Variants in SZT2 observed in about 807,000 individuals in gnomAD.
SZT2 encodes the protein KICSTOR complex protein SZT2.
In SZT2, 216 loss-of-function variants were observed where a neutral mutation model predicts 404.2. The ratio of observed to expected loss-of-function variants is 0.53; its 90% CI spans 0.48 to 0.60. SZT2 has a LOEUF of 0.60. Among genes scored for constraint, SZT2 ranks in the 20% least tolerant of loss-of-function variants. The probability of loss-of-function intolerance (pLI) is 0.00; values close to 1 mark genes in which losing one functional copy is unlikely to be tolerated. For missense variants in SZT2, 3,857 were observed against 4,459.2 expected, an observed-to-expected ratio of 0.86 and a Z score of 3.85; for synonymous variants, 1,693 against 1,749.9, an observed-to-expected ratio of 0.97 and a Z score of 0.81.
intron 13 of SZT2, 23 bp downstream of exon 13, chr1:43,422,655 A>G (rs971914703): frequency 1.8e-6 from 2 of 1,095,644 alleles, no homozygotes; most frequent in Non-Finnish European, 1.2e-6. Flanking sequence ...ATGTCCCTTC[A>G]CCCCCCGCCC....
chr1:43,422,665 C>CCCCCCCCCCCCCGCCA lies in SZT2; in HGVS notation c.1922+37_1922+38insCCCCCCCCGCCACCCC, dbSNP rs1652528745. ...AAGTGATGTCCCTTCACCCCCCGCC[C>CCCCCCCCCCCCCGCCA]CCCCACCCCCCCGCCACCTCATCCC... On this transcript the variant is annotated intron_variant, in intron 13 of 71. Transcript: ENST00000634258. 12 of 751,534 alleles carry CCCCCCCCCCCCCGCCA rather than the reference C, an allele frequency of 1.6e-5. No homozygotes were observed. The African/African-American group carries it at 2.3e-4, about 14-fold the overall frequency. The allele number at this position is 751,534 out of a possible 1,614,324, so 46.6% of individuals were successfully genotyped here. A position where few individuals can be genotyped will look rare whatever the true frequency, so the allele number is the denominator to read the frequency against.
At chr1:43,409,532 C>A in intron 4 of SZT2, 2 of 379,810 alleles carry the variant, frequency 5.3e-6, no homozygotes, top group Non-Finnish European at 1.0e-5. Flanking sequence ...AATGGCTCCA[C>A]CAAAAAACTA....
At position 43,453,421 on chromosome 1, in the gene SZT2, C is replaced by T. The variant is rs1326014732; in HGVS notation, c.*2941C>T. The T allele has an allele frequency of 1.9e-6, 3 of 1,560,502 alleles. No individual in the cohort carries two copies. The highest frequency in any genetic ancestry group is 1.7e-6 in the Non-Finnish European group (2 of 1,151,392). On this transcript the variant is annotated 3_prime_UTR_variant, in exon 72 of 72. Coordinates refer to ENST00000634258, the MANE Select transcript of SZT2 (RefSeq NM_001365999.1). Reference sequence around the variant, plus strand: ...CCAGGGCTTTGGCATACCGCACGGCCTGCTCCAGTCCCTCTCGGAAGGCCG... The same window carrying T: ...CCAGGGCTTTGGCATACCGCACGGCTTGCTCCAGTCCCTCTCGGAAGGCCG...
chr1:43,424,819 G>A lies in SZT2; in HGVS notation c.2507G>A (p.Ser836Asn). The change falls in exon 17 of 72, where the codon AGT (serine) becomes AAT (asparagine). Residue 836 changes from serine (S) to asparagine (N), a missense_variant. Ser to Asn is a conservative substitution (Grantham distance 46). Around this residue, in one of 7 missense-constraint regions of SZT2, gnomAD observed 1,725 missense variants for 1,881.0 expected, o/e 0.92. Transcript: ENST00000634258. This position sits in a 1 kb window ranked among gnomAD's most constrained non-coding sequence, Gnocchi z 4.1. ...RLSEGFHFACSGEGIINMVLE... is the reference protein window; with the variant it reads ...RLSEGFHFACNGEGIINMVLE... ...TCTGAAGGATTCCACTTCGCCTGCAGTGGGGAAGGAATCATCAACATGGTT... is the reference window on the plus strand; with the variant it reads ...TCTGAAGGATTCCACTTCGCCTGCAATGGGGAAGGAATCATCAACATGGTT... The A allele has an allele frequency of 6.2e-7, 1 of 1,614,116 alleles. No homozygotes were observed. The highest frequency in any genetic ancestry group is 8.5e-7 in the Non-Finnish European group (1 of 1,179,962).
rs768607703 is a variant in SZT2 at position 43,422,798 on chromosome 1, A to C, written c.1952A>C (p.Tyr651Ser). Reference sequence around the variant, plus strand: ...CCAGACCAGCCCCCCAATTCCTTCTACATGGTCCGTATCATTTCCAAGGCC... The same window carrying C: ...CCAGACCAGCCCCCCAATTCCTTCTCCATGGTCCGTATCATTTCCAAGGCC... The part of the protein sequence containing the change: ...SAPDQPPNSF[Y>S]MVRIISKAPC... Residue 651 changes from tyrosine (Y) to serine (S), a missense_variant, in exon 14 of 72, where the codon TAC (tyrosine) becomes TCC (serine). Tyr to Ser is a moderately radical substitution (Grantham distance 144). Around this residue, in one of 7 missense-constraint regions of SZT2, gnomAD observed 1,725 missense variants for 1,881.0 expected, o/e 0.92. Coordinates refer to ENST00000634258, the MANE Select transcript of SZT2 (RefSeq NM_001365999.1). 1 of 1,591,612 alleles carries C rather than the reference A, an allele frequency of 6.3e-7. No individual in the cohort carries two copies. Among genetic ancestry groups the C allele is most frequent in the Non-Finnish European group, 8.5e-7 (1 of 1,176,944 alleles).
rs1414968018 is a variant in SZT2 at position 43,448,431 on chromosome 1, G to C, written c.9916G>C (p.Glu3306Gln). ...GGRLALAELE[E>Q]LLEAVHAKSI... ...GCGCCTGGCCCTGGCAGAGCTGGAG[G>C]AACTCCTAGAAGCAGTCCATGCCAA... Residue 3306 changes from glutamate to glutamine, a missense_variant, in exon 69 of 72, where the codon GAA becomes CAA. Around this residue, in one of 7 missense-constraint regions of SZT2, gnomAD observed 717 missense variants for 868.2 expected, o/e 0.83. Coordinates refer to ENST00000634258, the MANE Select transcript of SZT2 (RefSeq NM_001365999.1). This position sits in a 1 kb window ranked among gnomAD's most constrained non-coding sequence, Gnocchi z 4.2. The C allele has an allele frequency of 6.2e-7, 1 of 1,602,738 alleles. No homozygotes were observed.
intron 60 of SZT2, 26 bp from the exon 61 acceptor site, chr1:43,443,326 C>G (rs566253339): frequency 9.3e-6 from 15 of 1,614,070 alleles, no homozygotes; most frequent in African/African-American, 2.7e-5. Context: ...CGTCACTGCT[C>G]CATGCTCACT....
rs748027626 is a variant in SZT2 at position 43,438,917 on chromosome 1, C to G, written c.6628-12C>G. On this transcript the variant is annotated splice_polypyrimidine_tract_variant and intron_variant, in intron 47 of 71. Coordinates refer to ENST00000634258, the MANE Select transcript of SZT2 (RefSeq NM_001365999.1). ...CTGCATTCAGCTCTGCCCTCTTCTT[C>G]CCACTCTGCAGTTCATCCAGCCCCC... 5.6e-6 allele frequency: 9 copies of G among 1,614,162 alleles called. No individual in the cohort carries two copies. The South Asian group carries it at 7.7e-5, about 14-fold the overall frequency.
chr1:43,447,784 G>A, intron 67 of SZT2, 65 bp from the exon 68 acceptor site: 1 of 1,611,084 alleles, frequency 6.2e-7, no homozygotes, highest in Non-Finnish European at 8.5e-7. Flanking sequence ...TGTTTTCTTG[G>A]GCAGGGGTGA....
chr1:43,428,616 C>T (rs1170031497), intron 28 of SZT2, 130 bp downstream of exon 28: 18 of 1,299,442 alleles, frequency 1.4e-5, no homozygotes, highest in South Asian at 1.2e-4. Context: ...AGTGCTTTGT[C>T]GCCGGCTCAC....
Position 43,437,486 on chromosome 1 carries a change from A to G in SZT2, c.6268A>G (p.Thr2090Ala), listed in dbSNP as rs1278409350. 6 of 1,614,178 alleles carry G rather than the reference A, an allele frequency of 3.7e-6. No individual in the cohort carries two copies. The highest frequency in any genetic ancestry group is 1.1e-5 in the South Asian group (1 of 91,080). The change falls in exon 44 of 72, where the codon ACA becomes GCA. Residue 2090 changes from threonine to alanine, a missense_variant. Coordinates refer to ENST00000634258, the MANE Select transcript of SZT2 (RefSeq NM_001365999.1). The surrounding 1 kb of genome is among the most constrained non-coding windows in gnomAD (Gnocchi z 5.3). ...KNMFVYQERA[T>A]KAVYYLRLLE... ...CATGTTTGTTTACCAGGAGCGAGCA[A>G]CAAAGGCTGTGTACTATCTTCGGTA...
At chr1:43,446,054 T>C in intron 63 of SZT2, 70 bp downstream of exon 63, 1 of 1,588,828 alleles carries the variant, frequency 6.3e-7, no homozygotes, top group South Asian at 1.1e-5. Context: ...TCATTGACCC[T>C]GAGTGATGTA....
chr1:43,415,609 C>A (rs972725103), intron 5 of SZT2, among the ~76,000 whole-genome samples: 4 of 152,132 alleles, frequency 2.6e-5, no homozygotes, highest in Non-Finnish European at 4.4e-5. Flanking sequence ...AAATGGCAGT[C>A]CTGTGTGCCT....
In SZT2 at chr1:43,453,559, CCCCAGCCCT is replaced by C. The variant is rs745737962; in HGVS notation, c.*3092_*3100del. On this transcript the variant is annotated 3_prime_UTR_variant, in exon 72 of 72. Transcript: ENST00000634258. Reference sequence around the variant, plus strand: ...ACTCCCCTGCCCGCGCCCCGGCACCCCCCAGCCCTCCCAGCCCTCCCGGCCCGCGACGCA... The same window carrying C: ...ACTCCCCTGCCCGCGCCCCGGCACCCCCCAGCCCTCCCGGCCCGCGACGCA... 2.4e-4 allele frequency: 372 copies of C among 1,519,598 alleles called. 1 individual carries two copies. The highest frequency in any genetic ancestry group is 9.1e-4 in the South Asian group (72 of 79,148). The allele number at this position is 1,519,598 out of a possible 1,614,324, so 94.1% of individuals were successfully genotyped here.
rs1389759662 is a variant in SZT2, at chr1:43,452,720, C to G, written c.*2240C>G. On this transcript the variant is annotated 3_prime_UTR_variant, in exon 72 of 72. Coordinates refer to ENST00000634258, the MANE Select transcript of SZT2 (RefSeq NM_001365999.1). ...CCTTTTCCCATCTGTTTTCTGCCCC[C>G]ACCATTGACCAGTAGTGATCCCCTC... The G allele has an allele frequency of 3.2e-6, 2 of 629,602 alleles. No individual in the cohort carries two copies. Among genetic ancestry groups the G allele is most frequent in the African/African-American group, 3.7e-5 (2 of 54,690 alleles). 39.0% of individuals were successfully genotyped at this position (629,602 alleles called of 1,614,324 possible). A position where few individuals can be genotyped will look rare whatever the true frequency, so the allele number is the denominator to read the frequency against.
chr1:43,404,723 T>C lies in SZT2; in HGVS notation c.498+173T>C, dbSNP rs74069985. 1.9e-3 allele frequency: 1,151 copies of C among 619,756 alleles called. 11 individuals carry two copies. The African/African-American group carries it at 0.02, about 11-fold the overall frequency. 38.4% of individuals were successfully genotyped at this position (619,756 alleles called of 1,614,324 possible). ...CTCTCTCTCCTTGAGAAGAACCAGTTCCTCTGGACTTAAAGGGCTTTCCTA... is the reference window on the plus strand; with the variant it reads ...CTCTCTCTCCTTGAGAAGAACCAGTCCCTCTGGACTTAAAGGGCTTTCCTA... On this transcript the variant is annotated intron_variant, in intron 4 of 71. Transcript: ENST00000634258.
At position 43,443,804 on chromosome 1, in the gene SZT2, C is replaced by A; in HGVS notation, c.8825+8C>A. 1.2e-6 allele frequency: 2 copies of A among 1,612,906 alleles called. No homozygotes were observed. The highest frequency in any genetic ancestry group is 1.7e-6 in the Non-Finnish European group (2 of 1,179,956). On this transcript the variant is annotated splice_region_variant and intron_variant, in intron 62 of 71. Coordinates refer to ENST00000634258, the MANE Select transcript of SZT2 (RefSeq NM_001365999.1). ...CCCCTCACCCGCCCGCAGGTGAGCC[C>A]GTCCCTGTTTTCCCTTCTGTCTTCT...
chr1:43,449,124 C>CT (rs1198539742), intron 70 of SZT2: 1 of 210,972 alleles, frequency 4.7e-6, no homozygotes, highest in Non-Finnish European at 9.6e-6. Context: ...GAAATGCAGG[C>CT]TCTCCGGCCA....
rs781077840 is a variant in SZT2, at chr1:43,440,500, G to A, written c.7258G>A (p.Ala2420Thr). Residue 2420 changes from alanine (A) to threonine (T), a missense_variant, in exon 52 of 72, where the codon GCT (alanine) becomes ACT (threonine). Physicochemically the swap from Ala to Thr is moderately conservative, Grantham distance 58 (BLOSUM62 0). Coordinates refer to ENST00000634258, the MANE Select transcript of SZT2 (RefSeq NM_001365999.1). ...GGAAACTAAGAGCTCTGCAGGCCGA[G>A]CTAGCACCTTTCCCCCTGCCCCTGT... ...SLETKSSAGR[A>T]STFPPAPVPG... is the part of the protein sequence containing the mutation. 6.2e-7 allele frequency: 1 copy of A among 1,608,930 alleles called. No individual in the cohort carries two copies. Among genetic ancestry groups the A allele is most frequent in the South Asian group, 1.1e-5 (1 of 90,428 alleles).
Sources: gnomAD v4.1 joint callset for allele counts (sites outside exome capture counted in the v4.1 genomes callset) on GRCh38, gnomAD v4.1.1 for gene constraint, gnomAD v4.1.1 regional missense constraint, Gnocchi (gnomAD v3.1) non-coding constraint, MANE v1.5 for transcripts, NCBI Gene and HGNC (gene_info 2026-07-23, HGNC 2026-07-21) for gene names.